The following SHANK2 variants were observed in gnomAD, a reference collection of about 807,000 sequenced individuals.
SHANK2 encodes the protein SH3 and multiple ankyrin repeat domains protein 2.
A neutral mutation model predicts 133.7 loss-of-function variants in SHANK2; 43 were observed. The ratio of observed to expected loss-of-function variants is 0.32; its 90% CI spans 0.25 to 0.41. SHANK2 has a LOEUF of 0.41. SHANK2 is among the 10% of genes least tolerant of loss of function. The pLI is 1.00. For synonymous variants in SHANK2, 1,017 were observed against 952.8 expected (o/e 1.07, Z -1.24); for missense variants, 1,994 against 2,235.8 (o/e 0.89, Z 2.18).
chr11:70,551,275 C>G (rs10751247), intron 17 of SHANK2, among the ~76,000 whole-genome samples: 120,362 of 151,960 alleles, frequency 0.79, 48,102 homozygotes, highest in Middle Eastern at 0.89. Context: ...GGCCTTGAGA[C>G]GGAGGCTGGA....
chr11:71,073,147 C>CTTTTTTTTTTTTGTT (rs1156355131), intron 9 of SHANK2, among the ~76,000 whole-genome samples: 1 of 62,716 alleles, frequency 1.6e-5, no homozygotes, highest in Non-Finnish European at 3.9e-5. Flanking sequence ...TTTTTCTTTT[C>CTTTTTTTTTTTTGTT]TTTTTTTTCT....
chr11:71,105,333 C>A (rs1198757099), intron 6 of SHANK2, among the ~76,000 whole-genome samples: 2 of 152,114 alleles, frequency 1.3e-5, no homozygotes, highest in African/African-American at 4.8e-5. Flanking sequence ...TGGCTCACAC[C>A]TGTAATCCCA....
At chr11:70,912,329 G>T (rs1202108439) in intron 10 of SHANK2, among the ~76,000 whole-genome samples, 1 of 152,070 alleles carries the variant, frequency 6.6e-6, no homozygotes, top group Non-Finnish European at 1.5e-5. Context: ...GATATGGTTT[G>T]GCTGTGTTCC....
At chr11:71,223,511 G>A (rs782748380) in intron 2 of SHANK2, among the ~76,000 whole-genome samples, 2 of 152,110 alleles carry the variant, frequency 1.3e-5, no homozygotes, top group Admixed American at 1.3e-4. Context: ...CATTGTTTAG[G>A]TATCATACAC....
At chr11:70,554,869 C>T (rs2059810032) in intron 17 of SHANK2, among the ~76,000 whole-genome samples, 1 of 146,954 alleles carries the variant, frequency 6.8e-6, no homozygotes, top group African/African-American at 2.5e-5. Context: ...TATACAGGCA[C>T]ACCTCACTTC....
chr11:70,784,123 C>G (rs1272494725), intron 14 of SHANK2, among the ~76,000 whole-genome samples: 6 of 152,056 alleles, frequency 3.9e-5, no homozygotes, highest in African/African-American at 9.7e-5. Context: ...CCCTGTTCAC[C>G]CAGCCAGGGT....
At chr11:71,097,352 G>C (rs1436848437) in intron 6 of SHANK2, among the ~76,000 whole-genome samples, 7 of 152,070 alleles carry the variant, frequency 4.6e-5, no homozygotes, top group Non-Finnish European at 8.8e-5. Context: ...CACTGCCCGG[G>C]ATGCACACCC....
At chr11:70,918,209 C>T (rs1431467638) in intron 10 of SHANK2, among the ~76,000 whole-genome samples, 2 of 152,176 alleles carry the variant, frequency 1.3e-5, no homozygotes, top group Non-Finnish European at 2.9e-5. Context: ...AGGCAGAACG[C>T]TTGCAGCCGC....
intron 14 of SHANK2, among the ~76,000 whole-genome samples, chr11:70,797,519 A>G (rs1352230566): frequency 6.6e-6 from 1 of 151,524 alleles, no homozygotes; most frequent in Non-Finnish European, 1.5e-5. Context: ...TCCAGGACAG[A>G]CTCCTCCTTG....
chr11:70,667,771 G>A (rs1555015130), intron 15 of SHANK2: 1 of 152,282 alleles, frequency 6.6e-6, no homozygotes, highest in East Asian at 1.9e-4. Context: ...GAGGGGCTCT[G>A]GGTGGCTCTG....
chr11:70,872,602 C>T (rs112253956), intron 11 of SHANK2, among the ~76,000 whole-genome samples: 11 of 151,896 alleles, frequency 7.2e-5, no homozygotes, highest in South Asian at 2.1e-4. Flanking sequence ...TACAGAGGGG[C>T]CCCCCACAGA....
Position 70,753,834 on chromosome 11 carries a change from CAG to C in SHANK2, c.1777+44607_1777+44608del, listed in dbSNP as rs1226259836. Among the ~76,000 whole-genome samples, 4 of 51,914 alleles carry C rather than the reference CAG, an allele frequency of 7.7e-5. No homozygotes were observed. In the South Asian group the frequency reaches 1.3e-3, roughly 17 times the overall value. The allele number at this position is 51,914 out of a possible 152,430, so 34.1% of individuals were successfully genotyped here. ...TAAGTGTGTGTGTGTGTGTTTGAGA[CAG>C]AGTCTCACTCAGTCACCCAGGCTGG... On this transcript the variant is annotated intron_variant, in intron 14 of 25. Transcript: ENST00000601538.
At chr11:70,496,984 T>C (rs1359546912) in intron 21 of SHANK2, 4 of 456,618 alleles carry the variant, frequency 8.8e-6, no homozygotes, top group Non-Finnish European at 1.8e-5. Context: ...GTCTCTGTTT[T>C]AAACCTTTCC....
intron 10 of SHANK2, among the ~76,000 whole-genome samples, chr11:70,944,543 C>A (rs1555085033): frequency 2.0e-5 from 3 of 152,252 alleles, no homozygotes; most frequent in Non-Finnish European, 2.9e-5. Context: ...TCCCACTGCG[C>A]TTCCCATATG....
intron 14 of SHANK2, among the ~76,000 whole-genome samples, chr11:70,757,363 C>G (rs1469476736): frequency 1.3e-5 from 2 of 152,238 alleles, no homozygotes; most frequent in East Asian, 3.9e-4. Context: ...AGGCCTGTGG[C>G]TGCTGCCCTG....
At chr11:71,240,243 T>A (rs1327486683) in intron 1 of SHANK2, among the ~76,000 whole-genome samples, 1 of 152,136 alleles carries the variant, frequency 6.6e-6, no homozygotes, top group Non-Finnish European at 1.5e-5. Flanking sequence ...AGGTCCATTG[T>A]TCTCCAAGAG....
intron 14 of SHANK2, among the ~76,000 whole-genome samples, chr11:70,754,068 TC>T (rs1555038089): frequency 1.3e-5 from 2 of 152,184 alleles, no homozygotes; most frequent in African/African-American, 4.8e-5. Flanking sequence ...CACCTCGGCC[TC>T]CCGAAGTGCT....
chr11:70,553,246 C>A (rs147048902), intron 17 of SHANK2, among the ~76,000 whole-genome samples: 1 of 151,978 alleles, frequency 6.6e-6, no homozygotes, highest in Admixed American at 6.6e-5. Context: ...CCCACCACCA[C>A]GCCAGGCTAA....
intron 2 of SHANK2, among the ~76,000 whole-genome samples, chr11:71,219,728 T>C (rs1162859323): frequency 3.3e-5 from 5 of 151,564 alleles, no homozygotes; most frequent in African/African-American, 9.7e-5. Context: ...CCGTCTCTAC[T>C]AAACAAATAA....
Sources: gnomAD v4.1 joint callset for allele counts (sites outside exome capture counted in the v4.1 genomes callset) on GRCh38, gnomAD v4.1.1 for gene constraint, MANE v1.5 for transcripts, NCBI Gene and HGNC (gene_info 2026-07-23, HGNC 2026-07-21) for gene names.